The following ZMIZ1 variants were observed in gnomAD, a reference collection of about 807,000 sequenced individuals.
The protein encoded by ZMIZ1 is zinc finger MIZ-type containing 1, also known as zinc finger MIZ domain-containing protein 1.
In ZMIZ1, 17 loss-of-function variants were observed where a neutral mutation model predicts 113.9. The observed-to-expected ratio is 0.15, with a 90% CI of 0.10 to 0.22. The LOEUF (loss-of-function observed/expected upper bound fraction) is 0.22, where lower values mean the gene tolerates loss of function less well. Ranked by LOEUF, ZMIZ1 falls within the 10% of genes least tolerant of loss-of-function variation. The pLI is 1.00. For synonymous variants in ZMIZ1, 607 were observed against 603.1 expected (o/e 1.01, Z -0.09); for missense variants, 1,059 against 1,477.8 (o/e 0.72, Z 4.65).
intron 1 of ZMIZ1, among the ~76,000 whole-genome samples, chr10:79,106,690 C>G (rs538803560): frequency 6.6e-6 from 1 of 152,258 alleles, no homozygotes; most frequent in African/African-American, 2.4e-5. Context: ...GTTTAGGAAG[C>G]TCTTGTTCAT....
At chr10:79,301,067 C>G (rs1854266329) in intron 17 of ZMIZ1, 125 bp downstream of exon 17, 21 of 1,372,200 alleles carry the variant, frequency 1.5e-5, no homozygotes, top group Non-Finnish European at 2.0e-5. Flanking sequence ...CCCGTGCCCA[C>G]AGCCGCCAAA....
chr10:79,168,393 C>CT (rs1190023437), intron 4 of ZMIZ1, among the ~76,000 whole-genome samples: 2 of 152,124 alleles, frequency 1.3e-5, no homozygotes, highest in Non-Finnish European at 2.9e-5. Flanking sequence ...ACCCCATGGC[C>CT]TTTTTTTGTC....
At chr10:79,262,992 G>A (rs1248444061) in intron 7 of ZMIZ1, among the ~76,000 whole-genome samples, 1 of 152,250 alleles carries the variant, frequency 6.6e-6, no homozygotes, top group Non-Finnish European at 1.5e-5. Flanking sequence ...AAATGTGCCA[G>A]CCGTCAGCTG....
At chr10:79,136,668 C>G (rs562001982) in intron 2 of ZMIZ1, among the ~76,000 whole-genome samples, 1 of 152,216 alleles carries the variant, frequency 6.6e-6, no homozygotes, top group South Asian at 2.1e-4. Flanking sequence ...TCTTAACCTT[C>G]TGTTTCCTCA....
intron 4 of ZMIZ1, among the ~76,000 whole-genome samples, chr10:79,178,687 C>T (rs1416951029): frequency 1.3e-5 from 2 of 152,222 alleles, no homozygotes; most frequent in Non-Finnish European, 2.9e-5. Flanking sequence ...CTGCCCCACC[C>T]CTCCCCCACC....
At chr10:79,168,381 G>A (rs1210357841) in intron 4 of ZMIZ1, among the ~76,000 whole-genome samples, 1 of 152,128 alleles carries the variant, frequency 6.6e-6, no homozygotes, top group Non-Finnish European at 1.5e-5. Context: ...CTGCACACAG[G>A]CACCCCATGG....
intron 2 of ZMIZ1, among the ~76,000 whole-genome samples, chr10:79,134,296 G>T (rs1844899499): frequency 6.6e-6 from 1 of 152,194 alleles, no homozygotes; most frequent in African/African-American, 2.4e-5. Flanking sequence ...AGAAACTGAG[G>T]CCCAGAGAGG....
intron 5 of ZMIZ1, among the ~76,000 whole-genome samples, chr10:79,205,227 A>G (rs1026318622): frequency 7.2e-5 from 11 of 152,176 alleles, no homozygotes; most frequent in African/African-American, 2.7e-4. Context: ...ATAATTAGGG[A>G]GGCCTCTGCC....
chr10:79,255,122 G>T (rs574542456), intron 7 of ZMIZ1, among the ~76,000 whole-genome samples: 1 of 152,176 alleles, frequency 6.6e-6, no homozygotes, highest in Non-Finnish European at 1.5e-5. Flanking sequence ...GAGGAGGTTC[G>T]GGTTTCTGCC....
At chr10:79,207,464 G>A (rs145971525) in intron 5 of ZMIZ1, among the ~76,000 whole-genome samples, 3 of 152,286 alleles carry the variant, frequency 2.0e-5, no homozygotes, top group South Asian at 4.1e-4. Flanking sequence ...CTGAGGAGAC[G>A]GATAAGAGTG....
intron 7 of ZMIZ1, among the ~76,000 whole-genome samples, chr10:79,219,437 C>T (rs1057313551): frequency 3.3e-5 from 5 of 152,166 alleles, no homozygotes; most frequent in Non-Finnish European, 5.9e-5. Flanking sequence ...TGAGGTCACC[C>T]AACTCATAAG....
At chr10:79,204,593 C>T (rs1848235762) in intron 5 of ZMIZ1, among the ~76,000 whole-genome samples, 3 of 152,190 alleles carry the variant, frequency 2.0e-5, no homozygotes. Context: ...AGGTCTCCCA[C>T]CAGGTTGAGC....
At chr10:79,078,956 C>T (rs1291256022) in intron 1 of ZMIZ1, among the ~76,000 whole-genome samples, 1 of 152,286 alleles carries the variant, frequency 6.6e-6, no homozygotes, top group Admixed American at 6.5e-5. Flanking sequence ...CTCCATCCAG[C>T]GGATGGTTTA....
At chr10:79,219,116 T>C (rs143371558) in intron 7 of ZMIZ1, among the ~76,000 whole-genome samples, 64 of 151,980 alleles carry the variant, frequency 4.2e-4, no homozygotes, top group African/African-American at 1.5e-3. Flanking sequence ...GTGAGGATGA[T>C]GGTGGCTGGA....
intron 13 of ZMIZ1, among the ~76,000 whole-genome samples, chr10:79,297,281 G>T (rs894727468): frequency 6.6e-6 from 1 of 152,208 alleles, no homozygotes; most frequent in African/African-American, 2.4e-5. Flanking sequence ...TGGGAGTAAA[G>T]AAGACACTTT....
chr10:79,250,545 C>G (rs745518427), intron 7 of ZMIZ1, among the ~76,000 whole-genome samples: 5 of 152,264 alleles, frequency 3.3e-5, no homozygotes, highest in Non-Finnish European at 5.9e-5. Context: ...TGCCCACTTT[C>G]ATTTCCCTCT....
At chr10:79,230,705 C>T (rs1849361777) in intron 7 of ZMIZ1, among the ~76,000 whole-genome samples, 1 of 152,216 alleles carries the variant, frequency 6.6e-6, no homozygotes, top group African/African-American at 2.4e-5. Flanking sequence ...CACTCTGAAG[C>T]ATGCTGGATG....
intron 3 of ZMIZ1, among the ~76,000 whole-genome samples, chr10:79,160,011 G>A (rs537956973): frequency 3.9e-5 from 6 of 152,336 alleles, no homozygotes; most frequent in Admixed American, 6.5e-5. Context: ...TCTGGCTTCC[G>A]TCTCAGCTGC....
chr10:79,072,458 G>A (rs546420245), intron 1 of ZMIZ1, among the ~76,000 whole-genome samples: 1 of 152,204 alleles, frequency 6.6e-6, no homozygotes, highest in South Asian at 2.1e-4. Flanking sequence ...GATGGCGGGA[G>A]GGGTGAAGGG....
Sources: allele counts gnomAD v4.1 joint callset (sites outside exome capture counted in the v4.1 genomes callset), GRCh38; gene constraint gnomAD v4.1.1; transcripts MANE v1.5; gene names NCBI Gene and HGNC (gene_info 2026-07-23, HGNC 2026-07-21).